The following SLC30A5 variants were observed in gnomAD, a reference collection of about 807,000 sequenced individuals.
SLC30A5 encodes the protein solute carrier family 30 member 5.
SLC30A5 carries 33 observed loss-of-function variants against 79.6 expected under a neutral mutation model. The ratio of observed to expected loss-of-function variants is 0.41; its 90% confidence interval spans 0.31 to 0.55. The LOEUF (loss-of-function observed/expected upper bound fraction) is 0.55. Among genes scored for constraint, SLC30A5 ranks in the 20% least tolerant of loss-of-function variants. The pLI is 0.20. For missense variants in SLC30A5, 788 were observed against 928.1 expected (o/e 0.85, Z 1.96); for synonymous variants, 299 against 319.7 (o/e 0.94, Z 0.69).
chr5:69,121,595 C>A, intron 12 of SLC30A5, 99 bp from the exon 13 acceptor site: 1 of 855,464 alleles, frequency 1.2e-6, no homozygotes, highest in Non-Finnish European at 1.7e-6. Flanking sequence ...ACTTTCAAAA[C>A]TGTAAACAGA....
intron 12 of SLC30A5, among the ~76,000 whole-genome samples, chr5:69,119,168 G>A (rs1168814587): frequency 6.6e-6 from 1 of 151,874 alleles, no homozygotes; most frequent in African/African-American, 2.4e-5. Context: ...CTTGTAGTTG[G>A]CATGTCCTTT....
chr5:69,121,239 CATA>C (rs1408830869), intron 12 of SLC30A5, among the ~76,000 whole-genome samples: 2 of 152,108 alleles, frequency 1.3e-5, no homozygotes, highest in African/African-American at 4.8e-5. Context: ...GTGTTTAAGA[CATA>C]ATAAGACCAT....
Position 69,123,342 on chromosome 5 carries a change from C to A in SLC30A5, c.1915C>A (p.Pro639Thr). Residue 639 changes from proline (P) to threonine (T), a missense_variant, in exon 14 of 16, where the codon CCA becomes ACA. By Grantham distance (38) the Pro-to-Thr change is conservative. Transcript: ENST00000396591. The stretch of plus-strand genomic sequence containing the variant: ...TATATTAATATTTCTCAGTGTTGTT[C>A]CACTGATTAAAGATGCCTGCCAGGT... The part of the protein sequence containing the change: ...IAILIFLSVV[P>T]LIKDACQVLL... 6.2e-7 allele frequency: 1 copy of A among 1,613,554 alleles called. No individual in the cohort carries two copies. Among genetic ancestry groups the A allele is most frequent in the Non-Finnish European group, 8.5e-7 (1 of 1,179,584 alleles).
chr5:69,124,473 GA>G (rs937617569), intron 14 of SLC30A5, among the ~76,000 whole-genome samples: 2 of 151,298 alleles, frequency 1.3e-5, no homozygotes, highest in African/African-American at 2.4e-5. Context: ...ACTTTGTGGG[GA>G]AAAAAAAGCT....
In SLC30A5 at chr5:69,108,585, G is replaced by A. The variant is rs560903592; in HGVS notation, c.447+149G>A. 1.3e-4 allele frequency: 90 copies of A among 690,382 alleles called. 1 individual carries two copies. The Admixed American group carries it at 2.3e-3, about 17-fold the overall frequency. 42.8% of individuals were successfully genotyped at this position (690,382 alleles called of 1,614,324 possible). A position where few individuals can be genotyped will look rare whatever the true frequency, so the allele number is the denominator to read the frequency against. ...GCCTGTAATCCCAACACTGTGGGAG[G>A]CTGAGGTGGGCGGATTACATGAGGT... On this transcript the variant is annotated intron_variant, in intron 5 of 15. Transcript: ENST00000396591.
intron 2 of SLC30A5, among the ~76,000 whole-genome samples, chr5:69,101,306 C>A (rs1745911023): frequency 6.6e-6 from 1 of 151,228 alleles, no homozygotes; most frequent in South Asian, 2.1e-4. Context: ...GAGACACAGT[C>A]TCACTCTGTC....
At chr5:69,113,809 C>T (rs1031641413) in intron 6 of SLC30A5, among the ~76,000 whole-genome samples, 1 of 152,136 alleles carries the variant, frequency 6.6e-6, no homozygotes, top group Admixed American at 6.6e-5. Context: ...AGTTTTTATT[C>T]TTCTATTACT....
intron 15 of SLC30A5, 118 bp downstream of exon 15, chr5:69,128,250 CTT>C (rs71612509): frequency 0.037 from 10,326 of 282,250 alleles, no homozygotes; most frequent in South Asian, 0.056. Context: ...TCTTCCAACT[CTT>C]TTTTTTTTTT....
intron 11 of SLC30A5, 59 bp downstream of exon 11, chr5:69,117,455 A>G (rs1746403094): frequency 1.5e-6 from 2 of 1,369,686 alleles, no homozygotes; most frequent in African/African-American, 2.9e-5. Flanking sequence ...CTTAAGGAAC[A>G]GAATTATATT....
rs750281978 is a variant in SLC30A5, at chr5:69,128,138, C to A, written c.2127+6C>A. 1 of 1,589,364 alleles carries A rather than the reference C, an allele frequency of 6.3e-7. No individual in the cohort carries two copies. Among genetic ancestry groups the A allele is most frequent in the South Asian group, 1.1e-5 (1 of 88,712 alleles). Reference sequence around the variant, plus strand: ...AACAAAGAATAGTACAGCAGGTAATCTTTTGTTTTTAAAGTAATTTTAATT... The same window carrying A: ...AACAAAGAATAGTACAGCAGGTAATATTTTGTTTTTAAAGTAATTTTAATT... On this transcript the variant is annotated splice_donor_region_variant and intron_variant, in intron 15 of 15. Coordinates refer to ENST00000396591, the MANE Select transcript of SLC30A5 (RefSeq NM_022902.5).
chr5:69,129,700 T>C lies in SLC30A5; in HGVS notation c.*83T>C. The C allele has an allele frequency of 1.6e-6, 2 of 1,287,964 alleles. No homozygotes were observed. Among genetic ancestry groups the C allele is most frequent in the Non-Finnish European group, 2.1e-6 (2 of 944,404 alleles). 79.8% of individuals were successfully genotyped at this position (1,287,964 alleles called of 1,614,324 possible). A position where few individuals can be genotyped will look rare whatever the true frequency, so the allele number is the denominator to read the frequency against. On this transcript the variant is annotated 3_prime_UTR_variant, in exon 16 of 16. Coordinates refer to ENST00000396591, the MANE Select transcript of SLC30A5 (RefSeq NM_022902.5). Reference sequence around the variant, plus strand: ...TGTAATATTGCCAGAAGGATAAAAATTACACATTAACTGTACAGAAACAGA... The same window carrying C: ...TGTAATATTGCCAGAAGGATAAAAACTACACATTAACTGTACAGAAACAGA...
At chr5:69,117,747 C>T (rs1046737859) in intron 11 of SLC30A5, among the ~76,000 whole-genome samples, 14 of 151,416 alleles carry the variant, frequency 9.2e-5, no homozygotes, top group African/African-American at 2.9e-4. Context: ...TATGGTGGCA[C>T]GCACCTGTAG....
At chr5:69,118,338 A>G (rs1246917814) in intron 11 of SLC30A5, 161 bp from the exon 12 acceptor site, 1 of 211,448 alleles carries the variant, frequency 4.7e-6, no homozygotes. Flanking sequence ...TATATATATG[A>G]AGGACCTTCC....
rs1746830110 is a variant in SLC30A5 at position 69,130,887 on chromosome 5, T to C, written c.*1270T>C. Reference sequence around the variant, plus strand: ...ATAAGTAGATTGAATTTAGTATGAGTACTATTTTCTTATATATACCACAAT... The same window carrying C: ...ATAAGTAGATTGAATTTAGTATGAGCACTATTTTCTTATATATACCACAAT... On this transcript the variant is annotated 3_prime_UTR_variant, in exon 16 of 16. Coordinates refer to ENST00000396591, the MANE Select transcript of SLC30A5 (RefSeq NM_022902.5). 6.6e-6 allele frequency: 1 copy of C among 152,162 alleles called. No individual in the cohort carries two copies. Among genetic ancestry groups the C allele is most frequent in the Non-Finnish European group, 1.5e-5 (1 of 68,000 alleles). The allele number at this position is 152,162 out of a possible 1,614,324, so 9.4% of individuals were successfully genotyped here. A position where few individuals can be genotyped will look rare whatever the true frequency, so the allele number is the denominator to read the frequency against.
At chr5:69,095,328 G>C (rs765382938) in intron 1 of SLC30A5, among the ~76,000 whole-genome samples, 2 of 150,584 alleles carry the variant, frequency 1.3e-5, no homozygotes, top group Non-Finnish European at 1.5e-5. Flanking sequence ...AGCCTCCCGA[G>C]GAGCTGGGAT....
At chr5:69,115,162 A>AAG in intron 7 of SLC30A5, 75 bp from the exon 8 acceptor site, 2 of 799,436 alleles carry the variant, frequency 2.5e-6, no homozygotes, top group Non-Finnish European at 3.7e-6. Flanking sequence ...AAAAAAAAAA[A>AAG]AAAGATCATG....
At position 69,114,369 on chromosome 5, in the gene SLC30A5, T is replaced by G. The variant is rs1372409063; in HGVS notation, c.536-51T>G. ...ACTAAAATTTCAGGAGAACTTCAGGTGTCAAAGAGTGACTTTTTGGAATTT... is the reference window on the plus strand; with the variant it reads ...ACTAAAATTTCAGGAGAACTTCAGGGGTCAAAGAGTGACTTTTTGGAATTT... On this transcript the variant is annotated intron_variant, in intron 6 of 15. Transcript: ENST00000396591. The G allele has an allele frequency of 4.0e-6, 4 of 1,001,072 alleles. No individual in the cohort carries two copies. In the East Asian group the frequency reaches 9.5e-5, roughly 24 times the overall value. The allele number at this position is 1,001,072 out of a possible 1,614,324, so 62.0% of individuals were successfully genotyped here.
At chr5:69,120,420 A>T (rs2111988428) in intron 12 of SLC30A5, among the ~76,000 whole-genome samples, 1 of 152,172 alleles carries the variant, frequency 6.6e-6, no homozygotes, top group Middle Eastern at 3.4e-3. Context: ...TAGTATTATG[A>T]TTACATTGTT....
At chr5:69,096,421 T>A (rs1745733442) in intron 1 of SLC30A5, among the ~76,000 whole-genome samples, 1 of 152,162 alleles carries the variant, frequency 6.6e-6, no homozygotes, top group African/African-American at 2.4e-5. Context: ...TGGTAAACAA[T>A]CCTTTGCTAT....
Sources: allele counts gnomAD v4.1 joint callset (sites outside exome capture counted in the v4.1 genomes callset), GRCh38; gene constraint gnomAD v4.1.1; transcripts MANE v1.5; gene names NCBI Gene and HGNC (gene_info 2026-07-23, HGNC 2026-07-21).